PCDHA2: variants seen among roughly 807,000 people sequenced by gnomAD.
PCDHA2 encodes protocadherin alpha 2.
Under a neutral mutation model 66.0 loss-of-function variants are expected in PCDHA2, and 58 were observed. The observed-to-expected ratio is 0.88, with a 90% CI of 0.71 to 1.09. PCDHA2 has a LOEUF of 1.09. Ranked by LOEUF, PCDHA2 falls within the 50% of genes least tolerant of loss-of-function variation. The probability of loss-of-function intolerance (pLI) is 0.00; values close to 1 mark genes in which losing one functional copy is unlikely to be tolerated. For missense variants in PCDHA2, 1,267 were observed against 1,242.3 expected (o/e 1.02, Z -0.30); for synonymous variants, 634 against 554.0 (o/e 1.14, Z -2.03).
chr5:140,979,090 C>A, intron 2 of PCDHA2, 83 bp downstream of exon 2: 1 of 1,557,284 alleles, frequency 6.4e-7, no homozygotes, highest in Non-Finnish European at 8.7e-7. Flanking sequence ...AGGCCAGAAG[C>A]AGCTGTCAAA....
intron 1 of PCDHA2, chr5:140,875,337 A>C (rs2055422229): frequency 1.6e-5 from 23 of 1,440,366 alleles, no homozygotes; most frequent in Non-Finnish European, 1.7e-5. Context: ...AATAGGATCG[A>C]CTCCATAATG....
chr5:140,805,865 A>G (rs1478948199), intron 1 of PCDHA2, among the ~76,000 whole-genome samples: 2 of 152,178 alleles, frequency 1.3e-5, no homozygotes, highest in Admixed American at 1.3e-4. Context: ...AAATTAATGC[A>G]TTTTATTAGG....
rs2150228376 is a variant in PCDHA2, at chr5:140,834,869, C to A, written c.2388+37517C>A. On this transcript the variant is annotated intron_variant, in intron 1 of 3. Transcript: ENST00000526136. ...TAGAGGGCGCGTCCGATGCAGATAT[C>A]GGGGAGAACGCCCTGCTCACTTACA... 5.6e-6 allele frequency: 9 copies of A among 1,609,116 alleles called. No homozygotes were observed. The African/African-American group carries it at 9.5e-5, about 17-fold the overall frequency.
intron 1 of PCDHA2, chr5:140,858,707 A>T: frequency 3.7e-6 from 2 of 547,914 alleles, no homozygotes; most frequent in South Asian, 2.5e-5. Flanking sequence ...CAAATATGTG[A>T]TATAGGTTGC....
In PCDHA2 at chr5:140,829,496, C is replaced by A. The variant is rs2150168834; in HGVS notation, c.2388+32144C>A. 13 of 1,613,648 alleles carry A rather than the reference C, an allele frequency of 8.1e-6. No individual in the cohort carries two copies. The East Asian group carries it at 2.2e-4, about 28-fold the overall frequency. ...CACAGTGTTCGTGAAGGAGAACAAC[C>A]CGCCGGGCTGCCACATCTTCACGGT... On this transcript the variant is annotated intron_variant, in intron 1 of 3. Coordinates refer to ENST00000526136, the MANE Select transcript of PCDHA2 (RefSeq NM_018905.3).
chr5:140,882,539 G>A (rs1303287274), intron 1 of PCDHA2: 2 of 1,614,110 alleles, frequency 1.2e-6, no homozygotes, highest in African/African-American at 2.7e-5. Flanking sequence ...TTCTCGGATC[G>A]ACCGCGAGGA....
intron 1 of PCDHA2, among the ~76,000 whole-genome samples, chr5:140,881,902 A>T (rs2058862295): frequency 6.6e-6 from 1 of 152,262 alleles, no homozygotes; most frequent in African/African-American, 2.4e-5. Flanking sequence ...GTCAGCTAAT[A>T]TAAAATGTTG....
chr5:140,841,236 G>A (rs1171503163), intron 1 of PCDHA2: 2 of 1,481,194 alleles, frequency 1.4e-6, no homozygotes, highest in East Asian at 2.3e-5. Flanking sequence ...GGGAGATGCA[G>A]CGGAATTGGA....
Position 140,927,198 on chromosome 5 carries a change from G to T in PCDHA2, c.2389-51751G>T. On this transcript the variant is annotated intron_variant, in intron 1 of 3. Transcript: ENST00000526136. ...TCTTGACCTACGACCTGGTGCTCGA[G>T]GACCCGCTGGAGCTGCACAAGATTC... 3 of 1,614,162 alleles carry T rather than the reference G, an allele frequency of 1.9e-6. No homozygotes were observed. In the South Asian group the frequency reaches 3.3e-5, roughly 18 times the overall value.
At chr5:140,958,400 A>G (rs1236102640) in intron 1 of PCDHA2, among the ~76,000 whole-genome samples, 1 of 152,196 alleles carries the variant, frequency 6.6e-6, no homozygotes, top group African/African-American at 2.4e-5. Context: ...ATCAAACATT[A>G]TCACTGATGC....
intron 1 of PCDHA2, chr5:140,850,398 C>G: frequency 1.9e-6 from 3 of 1,597,938 alleles, no homozygotes; most frequent in Non-Finnish European, 1.7e-6. Context: ...CAGCACAACG[C>G]GTGCCCTGGA....
chr5:140,968,682 C>T, intron 1 of PCDHA2: 1 of 1,614,128 alleles, frequency 6.2e-7, no homozygotes, highest in Non-Finnish European at 8.5e-7. Flanking sequence ...GAGCTGCACA[C>T]AGGAGAAATT....
At chr5:140,879,634 C>T (rs888836313) in intron 1 of PCDHA2, among the ~76,000 whole-genome samples, 2 of 152,306 alleles carry the variant, frequency 1.3e-5, no homozygotes, top group Admixed American at 1.3e-4. Context: ...GTAAGTGTGT[C>T]GCTTCCTGTG....
intron 1 of PCDHA2, chr5:140,870,006 G>A (rs1554163702): frequency 1.2e-6 from 2 of 1,613,604 alleles, no homozygotes; most frequent in Non-Finnish European, 1.7e-6. Flanking sequence ...ATGGAGAAGT[G>A]AGGGTCAATG....
chr5:140,821,628 A>G (rs1767016951), intron 1 of PCDHA2: 2 of 935,326 alleles, frequency 2.1e-6, no homozygotes, highest in Non-Finnish European at 3.1e-6. Flanking sequence ...TTCCTTAGAC[A>G]GAAAGGAAAA....
intron 1 of PCDHA2, among the ~76,000 whole-genome samples, chr5:140,956,217 T>C (rs1554222303): frequency 1.1e-4 from 17 of 152,208 alleles, no homozygotes. Flanking sequence ...GGCATCCTTG[T>C]CTTGTGCTGG....
chr5:140,936,944 T>A (rs900789474), intron 1 of PCDHA2, among the ~76,000 whole-genome samples: 3 of 152,226 alleles, frequency 2.0e-5, no homozygotes, highest in African/African-American at 7.2e-5. Flanking sequence ...AATATCTTAT[T>A]TTGATCTTTA....
At chr5:140,943,846 A>C (rs1209903373) in intron 1 of PCDHA2, among the ~76,000 whole-genome samples, 1 of 152,242 alleles carries the variant, frequency 6.6e-6, no homozygotes, top group African/African-American at 2.4e-5. Context: ...GTAAGATGTC[A>C]CAGAAGTCAA....
intron 2 of PCDHA2, among the ~76,000 whole-genome samples, chr5:140,980,713 C>A (rs1034858406): frequency 1.3e-5 from 2 of 151,364 alleles, no homozygotes; most frequent in Non-Finnish European, 2.9e-5. Context: ...TGCTCCTATT[C>A]GGGTTTCAAT....
Sources: allele counts gnomAD v4.1 joint callset (sites outside exome capture counted in the v4.1 genomes callset), GRCh38; gene constraint gnomAD v4.1.1; transcripts MANE v1.5; gene names NCBI Gene and HGNC (gene_info 2026-07-23, HGNC 2026-07-21).